Variants in CHCHD6 observed in about 807,000 individuals in gnomAD.
The protein encoded by CHCHD6 is MICOS complex subunit MIC25.
CHCHD6 carries 28 observed loss-of-function variants against 32.3 expected under a neutral mutation model. The ratio of observed to expected loss-of-function variants is 0.87; its 90% CI spans 0.64 to 1.19. The LOEUF (loss-of-function observed/expected upper bound fraction) is 1.19, where lower values mean the gene tolerates loss of function less well. Among genes scored for constraint, CHCHD6 ranks in the 50% most tolerant of loss-of-function variants. CHCHD6 has a pLI of 0.00. For synonymous variants in CHCHD6, 122 were observed against 117.5 expected (o/e 1.04, Z -0.25); for missense variants, 333 against 307.0 (o/e 1.08, Z -0.63).
intron 6 of CHCHD6, among the ~76,000 whole-genome samples, chr3:126,929,291 G>A (rs16837834): frequency 0.057 from 8,700 of 152,168 alleles, 787 homozygotes; most frequent in African/African-American, 0.19. Context: ...TGCAGGCATC[G>A]TCTCTCTTGT....
intron 6 of CHCHD6, among the ~76,000 whole-genome samples, chr3:126,919,553 A>G (rs1442084861): frequency 4.0e-5 from 6 of 150,592 alleles, no homozygotes; most frequent in Non-Finnish European, 5.9e-5. Flanking sequence ...GGCTTATGCA[A>G]TCCTCCTGCC....
chr3:126,898,315 G>A (rs564161512), intron 5 of CHCHD6, among the ~76,000 whole-genome samples: 1 of 152,324 alleles, frequency 6.6e-6, no homozygotes, highest in South Asian at 2.1e-4. Context: ...CCCCAGCTGG[G>A]AAGTCATCAG....
At chr3:126,824,030 G>A (rs775299410) in intron 4 of CHCHD6, among the ~76,000 whole-genome samples, 3 of 152,104 alleles carry the variant, frequency 2.0e-5, no homozygotes, top group East Asian at 3.9e-4. Context: ...AGCTATAATC[G>A]CCACACCACT....
chr3:126,790,790 A>C (rs1938491766), intron 4 of CHCHD6, among the ~76,000 whole-genome samples: 1 of 152,082 alleles, frequency 6.6e-6, no homozygotes, highest in Non-Finnish European at 1.5e-5. Context: ...AGCTCAGAGA[A>C]GTTTGATTGT....
intron 6 of CHCHD6, among the ~76,000 whole-genome samples, chr3:126,928,459 A>G (rs2078355799): frequency 6.6e-6 from 1 of 152,092 alleles, no homozygotes; most frequent in Non-Finnish European, 1.5e-5. Context: ...TGAAGGGTTC[A>G]CCATCAAAGG....
intron 1 of CHCHD6, among the ~76,000 whole-genome samples, chr3:126,708,455 G>A (rs545522043): frequency 6.6e-6 from 1 of 152,282 alleles, no homozygotes; most frequent in Middle Eastern, 3.4e-3. Context: ...AGGCCACGCT[G>A]CAGTTCTCTG....
intron 4 of CHCHD6, among the ~76,000 whole-genome samples, chr3:126,786,993 A>G (rs1242791682): frequency 1.3e-5 from 2 of 152,198 alleles, no homozygotes. Context: ...TCTTGAACTA[A>G]TTGTTGTATA....
chr3:126,860,558 C>T (rs941503662), intron 5 of CHCHD6, among the ~76,000 whole-genome samples: 1 of 152,102 alleles, frequency 6.6e-6, no homozygotes, highest in Non-Finnish European at 1.5e-5. Flanking sequence ...AACAAACCTG[C>T]ATGTTGTGCA....
At chr3:126,767,205 T>C in intron 4 of CHCHD6, 1 of 1,580,754 alleles carries the variant, frequency 6.3e-7, no homozygotes, top group Non-Finnish European at 8.7e-7. Flanking sequence ...CCAAAGGCCA[T>C]TTTGGTAATT....
At chr3:126,948,893 A>G (rs1235947838) in intron 6 of CHCHD6, among the ~76,000 whole-genome samples, 1 of 152,248 alleles carries the variant, frequency 6.6e-6, no homozygotes, top group Non-Finnish European at 1.5e-5. Flanking sequence ...CTGGAAGATC[A>G]CAGTTTCACC....
At chr3:126,956,405 C>T (rs1485419928) in intron 6 of CHCHD6, among the ~76,000 whole-genome samples, 2 of 152,162 alleles carry the variant, frequency 1.3e-5, no homozygotes, top group South Asian at 2.1e-4. Context: ...AAATATGTCC[C>T]GCTCCTCCAC....
chr3:126,846,623 A>G lies in CHCHD6; in HGVS notation c.412-6024A>G, dbSNP rs555864868. Among the ~76,000 whole-genome samples, 74 of 152,366 alleles carry G rather than the reference A, an allele frequency of 4.9e-4. No homozygotes were observed. The South Asian group carries it at 6.8e-3, about 14-fold the overall frequency. ...ATAAAAGACTGATTTCTCATCATGAACAATGGAGGCAAGATAGTTTTATCA... is the reference window on the plus strand; with the variant it reads ...ATAAAAGACTGATTTCTCATCATGAGCAATGGAGGCAAGATAGTTTTATCA... On this transcript the variant is annotated intron_variant, in intron 4 of 7. Transcript: ENST00000290913.
At chr3:126,929,505 ATTCAG>A (rs923447649) in intron 6 of CHCHD6, among the ~76,000 whole-genome samples, 12 of 152,122 alleles carry the variant, frequency 7.9e-5, no homozygotes, top group Admixed American at 1.3e-4. Flanking sequence ...ATTCTGGTAG[ATTCAG>A]TTCAGCCCAT....
chr3:126,842,841 C>A (rs1941151127), intron 4 of CHCHD6, among the ~76,000 whole-genome samples: 1 of 139,068 alleles, frequency 7.2e-6, no homozygotes, highest in African/African-American at 2.7e-5. Flanking sequence ...GTGGGTGTGA[C>A]CTGCAAGAGT....
intron 5 of CHCHD6, among the ~76,000 whole-genome samples, chr3:126,870,244 A>C (rs1455887086): frequency 6.6e-6 from 1 of 152,178 alleles, no homozygotes; most frequent in Non-Finnish European, 1.5e-5. Context: ...GGTTCCTCTC[A>C]TTAGTGGTCA....
chr3:126,777,589 T>G (rs1293028909), intron 4 of CHCHD6, among the ~76,000 whole-genome samples: 4 of 152,176 alleles, frequency 2.6e-5, no homozygotes, highest in Admixed American at 6.5e-5. Context: ...AGATAAGCAC[T>G]GCCACACTGC....
At chr3:126,792,259 T>TTTCAGG (rs1938585466) in intron 4 of CHCHD6, among the ~76,000 whole-genome samples, 1 of 143,932 alleles carries the variant, frequency 6.9e-6, no homozygotes, top group Non-Finnish European at 1.5e-5. Context: ...ATATATATTC[T>TTTCAGG]AATATAGAAT....
chr3:126,724,144 A>G (rs1449276262), intron 1 of CHCHD6, among the ~76,000 whole-genome samples: 1 of 152,186 alleles, frequency 6.6e-6, no homozygotes, highest in Admixed American at 6.5e-5. Context: ...GAGATGAGTG[A>G]GATTCAGGCT....
At chr3:126,849,307 C>G (rs1399712309) in intron 4 of CHCHD6, among the ~76,000 whole-genome samples, 9 of 152,268 alleles carry the variant, frequency 5.9e-5, no homozygotes, top group Non-Finnish European at 1.5e-5. Flanking sequence ...TTGGAGCCAG[C>G]AGGCCTGTGG....
Sources: allele counts gnomAD v4.1 joint callset (sites outside exome capture counted in the v4.1 genomes callset), GRCh38; gene constraint gnomAD v4.1.1; transcripts MANE v1.5; gene names NCBI Gene and HGNC (gene_info 2026-07-23, HGNC 2026-07-21).